KDM2A: variants seen among roughly 807,000 people sequenced by gnomAD.
KDM2A encodes the protein lysine demethylase 2A, also known as lysine-specific demethylase 2A.
A neutral mutation model predicts 137.3 loss-of-function variants in KDM2A; 3 were observed. The ratio of observed to expected loss-of-function variants is 0.02; its 90% CI spans 0.01 to 0.06. The LOEUF (loss-of-function observed/expected upper bound fraction) is 0.06. Among genes scored for constraint, KDM2A ranks in the 10% least tolerant of loss-of-function variants. KDM2A has a pLI of 1.00. For missense variants in KDM2A, 738 were observed against 1,510.6 expected, an observed-to-expected ratio of 0.49 and a Z score of 8.48; for synonymous variants, 512 against 541.5, an observed-to-expected ratio of 0.95 and a Z score of 0.76.
intron 5 of KDM2A, among the ~76,000 whole-genome samples, chr11:67,200,156 T>C (rs1857581902): frequency 6.6e-6 from 1 of 152,268 alleles, no homozygotes; most frequent in East Asian, 1.9e-4. Context: ...TCACTGGCAG[T>C]GTACCTCTTC....
chr11:67,134,175 A>G (rs1323811152), intron 2 of KDM2A, among the ~76,000 whole-genome samples: 3 of 152,310 alleles, frequency 2.0e-5, no homozygotes, highest in South Asian at 4.1e-4. Flanking sequence ...TGAGTGGATG[A>G]GGCTTTAGAC....
At chr11:67,203,060 A>G (rs575835890) in intron 5 of KDM2A, among the ~76,000 whole-genome samples, 68 of 152,102 alleles carry the variant, frequency 4.5e-4, no homozygotes, top group African/African-American at 1.4e-3. Context: ...AGAAGTTGCT[A>G]TATCCACCCC....
intron 12 of KDM2A, chr11:67,239,923 C>T (rs1486154211): frequency 4.4e-6 from 2 of 453,600 alleles, no homozygotes; most frequent in African/African-American, 4.1e-5. Flanking sequence ...CCTGGCAGGG[C>T]CTCTTCCAAT....
At chr11:67,224,460 TC>T (rs35684401) in intron 10 of KDM2A, among the ~76,000 whole-genome samples, 3 of 81,378 alleles carry the variant, frequency 3.7e-5, no homozygotes, top group African/African-American at 1.6e-4. Context: ...TTAACCCCTT[TC>T]TTTTTTTTTT....
chr11:67,238,054 ACTCAGTT>A (rs1858922007), intron 12 of KDM2A, among the ~76,000 whole-genome samples: 1 of 152,152 alleles, frequency 6.6e-6, no homozygotes. Context: ...AAGTAATGTA[ACTCAGTT>A]ATGAGGCATA....
intron 2 of KDM2A, among the ~76,000 whole-genome samples, chr11:67,153,297 A>G (rs575041462): frequency 5.5e-4 from 84 of 152,182 alleles, no homozygotes; most frequent in African/African-American, 2.0e-3. Context: ...GTGTCTTAAT[A>G]TGCATGTTTA....
At chr11:67,193,905 G>A (rs952121656) in intron 5 of KDM2A, among the ~76,000 whole-genome samples, 2 of 152,082 alleles carry the variant, frequency 1.3e-5, no homozygotes, top group Non-Finnish European at 2.9e-5. Flanking sequence ...CAGGGGTCTC[G>A]CTGTGTTGAA....
At chr11:67,145,186 T>C (rs1386024423) in intron 2 of KDM2A, among the ~76,000 whole-genome samples, 1 of 151,430 alleles carries the variant, frequency 6.6e-6, no homozygotes, top group Admixed American at 6.6e-5. Flanking sequence ...ACATGGTTTT[T>C]AAAATTTGAT....
In KDM2A at chr11:67,207,492, A is replaced by C; in HGVS notation, c.308-18A>C. 1 of 1,571,042 alleles carries C rather than the reference A, an allele frequency of 6.4e-7. No homozygotes were observed. ...ATTAGTGGCTCGATAGAGATGATCG[A>C]TGCATCTTTTATGGCAGGGAGTCGT... On this transcript the variant is annotated intron_variant, in intron 5 of 20. Transcript: ENST00000529006.
In KDM2A at chr11:67,172,685, A is replaced by G. The variant is rs75085137; in HGVS notation, c.43-7394A>G. On this transcript the variant is annotated intron_variant, in intron 2 of 20. Transcript: ENST00000529006. Reference sequence around the variant, plus strand: ...TAGTTTTCTGTGTACAAGATCATGTAATTTGTGAATAGATGTAGTTTTACT... The same window carrying G: ...TAGTTTTCTGTGTACAAGATCATGTGATTTGTGAATAGATGTAGTTTTACT... Among the ~76,000 whole-genome samples, 1,000 of 150,884 alleles carry G rather than the reference A, an allele frequency of 6.6e-3. 12 individuals are homozygous for G. The highest frequency in any genetic ancestry group is 0.023 in the African/African-American group (927 of 41,100).
chr11:67,218,271 C>T (rs1413728083), intron 9 of KDM2A, among the ~76,000 whole-genome samples: 2 of 152,104 alleles, frequency 1.3e-5, no homozygotes, highest in Non-Finnish European at 2.9e-5. Flanking sequence ...TGTTTTTGAT[C>T]AAGTCATTAA....
intron 8 of KDM2A, chr11:67,217,491 C>G: frequency 2.0e-6 from 1 of 505,256 alleles, no homozygotes; most frequent in Non-Finnish European, 3.6e-6. Flanking sequence ...TCTCCGAGTC[C>G]TGGATGGTGT....
rs1232657469 is a variant in KDM2A, at chr11:67,247,058, TATATATA to T, written c.1965+943_1965+949del. On this transcript the variant is annotated intron_variant, in intron 15 of 20. Coordinates refer to ENST00000529006, the MANE Select transcript of KDM2A (RefSeq NM_012308.3). The stretch of plus-strand genomic sequence containing the variant: ...TATTTTATATATATATATATATATA[TATATATA>T]TATATATTTTTTTTTTTTTTTTTTT... 4.2e-4 allele frequency among the ~76,000 whole-genome samples: 13 copies of T among 30,900 alleles called. 1 individual carries two copies. Among genetic ancestry groups the T allele is most frequent in the African/African-American group, 1.9e-3 (13 of 6,814 alleles). 20.3% of individuals were successfully genotyped at this position (30,900 alleles called of 152,430 possible).
intron 5 of KDM2A, among the ~76,000 whole-genome samples, chr11:67,185,637 C>CA (rs35825424): frequency 4.1e-3 from 422 of 102,406 alleles, no homozygotes; most frequent in Middle Eastern, 0.01. Flanking sequence ...AACTCTGTCG[C>CA]AAAAAAAAAA....
intron 2 of KDM2A, among the ~76,000 whole-genome samples, chr11:67,134,113 G>C (rs1013670580): frequency 1.3e-5 from 2 of 152,208 alleles, no homozygotes; most frequent in African/African-American, 2.4e-5. Flanking sequence ...ATTTAGCTTG[G>C]ATTACCAGGA....
intron 2 of KDM2A, among the ~76,000 whole-genome samples, chr11:67,171,484 G>A (rs909415437): frequency 1.0e-4 from 6 of 59,236 alleles, no homozygotes; most frequent in Non-Finnish European, 6.9e-4. Flanking sequence ...GGAAAGTTGA[G>A]ATCTGAGAGG....
chr11:67,121,706 TG>T (rs759634840), intron 2 of KDM2A, among the ~76,000 whole-genome samples: 1 of 152,216 alleles, frequency 6.6e-6, no homozygotes, highest in Non-Finnish European at 1.5e-5. Context: ...ATATAAATTT[TG>T]GGGGCAAAGC....
intron 12 of KDM2A, among the ~76,000 whole-genome samples, chr11:67,238,826 C>G (rs572668724): frequency 3.9e-5 from 6 of 152,270 alleles, no homozygotes; most frequent in African/African-American, 1.2e-4. Context: ...TAAAAAAGAC[C>G]CAAACTGTTT....
rs1254191573 is a variant in KDM2A, at chr11:67,218,811, A to G, written c.842-477A>G. Among the ~76,000 whole-genome samples the G allele has an allele frequency of 5.3e-5, 8 of 152,206 alleles. No homozygotes were observed. In the South Asian group the frequency reaches 6.2e-4, roughly 12 times the overall value. ...TTTTTACTAGAGACGGGGTTTCACC[A>G]TGTTGGCCAGGCTGGTCTTGAACTC... On this transcript the variant is annotated intron_variant, in intron 9 of 20. Transcript: ENST00000529006.
Sources: gnomAD v4.1 joint callset for allele counts (sites outside exome capture counted in the v4.1 genomes callset) on GRCh38, gnomAD v4.1.1 for gene constraint, MANE v1.5 for transcripts, NCBI Gene and HGNC (gene_info 2026-07-23, HGNC 2026-07-21) for gene names.